CTNS: variants seen among roughly 807,000 people sequenced by gnomAD.
CTNS encodes the protein cystinosin.
A neutral mutation model predicts 43.7 loss-of-function variants in CTNS; 27 were observed. The ratio of observed to expected loss-of-function variants is 0.62; its 90% CI spans 0.46 to 0.85. The LOEUF is 0.85. Ranked by LOEUF, CTNS falls within the 40% of genes least tolerant of loss-of-function variation. CTNS has a pLI of 0.00. For synonymous variants in CTNS, 187 were observed against 190.6 expected, an observed-to-expected ratio of 0.98 and a Z score of 0.16; for missense variants, 457 against 475.4, an observed-to-expected ratio of 0.96 and a Z score of 0.36.
At chr17:3,636,549 T>A (rs938786620), upstream of CTNS, 2 of 295,676 alleles carry the variant, frequency 6.8e-6, no homozygotes, top group Non-Finnish European at 1.3e-5. Flanking sequence ...AGTCTCTGTG[T>A]CCCTGGCAGC....
rs199950876 is a variant in CTNS at position 3,655,385 on chromosome 17, C to T, written c.461+33C>T. ...CCTGGGCCGTATGTGCAGGCTCTCT[C>T]GGGGCCCCTAGGAGCAGGGCGTTCC... On this transcript the variant is annotated intron_variant, in intron 7 of 11. Coordinates refer to ENST00000046640, the MANE Select transcript of CTNS (RefSeq NM_004937.3). The T allele has an allele frequency of 4.5e-4, 718 of 1,612,998 alleles. 2 individuals are homozygous for T. The highest frequency in any genetic ancestry group is 3.5e-3 in the Middle Eastern group (19 of 5,484).
chr17:3,656,104 CTGCCCTG>C, intron 7 of CTNS: 3 of 165,950 alleles, frequency 1.8e-5, no homozygotes, highest in South Asian at 1.4e-4. Context: ...CCCTCACCCC[CTGCCCTG>C]CCCCTCCACC....
At chr17:3,644,164 T>C (rs1296779332) in intron 3 of CTNS, among the ~76,000 whole-genome samples, 1 of 152,254 alleles carries the variant, frequency 6.6e-6, no homozygotes, top group Non-Finnish European at 1.5e-5. Flanking sequence ...ATTTAGCATC[T>C]GGGCTTTGTG....
At chr17:3,659,313 C>A (rs1313226283) in intron 10 of CTNS, among the ~76,000 whole-genome samples, 1 of 152,196 alleles carries the variant, frequency 6.6e-6, no homozygotes, top group Non-Finnish European at 1.5e-5. Flanking sequence ...CAACCAGACC[C>A]AGGAAGCCCC....
At chr17:3,650,987 G>T (rs1238991655) in intron 5 of CTNS, among the ~76,000 whole-genome samples, 2 of 151,994 alleles carry the variant, frequency 1.3e-5, no homozygotes, top group African/African-American at 4.8e-5. Flanking sequence ...ATTTTTAGTA[G>T]AGATGGGGTT....
chr17:3,655,500 C>T (rs1226117189), intron 7 of CTNS, 148 bp downstream of exon 7: 16 of 1,228,092 alleles, frequency 1.3e-5, no homozygotes, highest in South Asian at 4.9e-5. Flanking sequence ...TGCGAAGGCT[C>T]GGAGAGCCTG....
chr17:3,637,935 C>G (rs964579364), intron 2 of CTNS, among the ~76,000 whole-genome samples: 2 of 152,164 alleles, frequency 1.3e-5, no homozygotes, highest in African/African-American at 2.4e-5. Flanking sequence ...TTTGTGTACC[C>G]TCTCCAAAAG....
intron 5 of CTNS, among the ~76,000 whole-genome samples, chr17:3,651,395 T>G (rs2075979904): frequency 6.6e-6 from 1 of 152,052 alleles, no homozygotes; most frequent in South Asian, 2.1e-4. Flanking sequence ...CTGGCCAAAG[T>G]GTCCTCTTTT....
At position 3,637,204 on chromosome 17, in the gene CTNS, C is replaced by T. The variant is rs1433808997; in HGVS notation, c.-132C>T. 6.6e-6 allele frequency: 1 copy of T among 152,208 alleles called. No individual in the cohort carries two copies. The highest frequency in any genetic ancestry group is 1.5e-5 in the Non-Finnish European group (1 of 68,038). 9.4% of individuals were successfully genotyped at this position (152,208 alleles called of 1,614,324 possible). A position where few individuals can be genotyped will look rare whatever the true frequency, so the allele number is the denominator to read the frequency against. On this transcript the variant is annotated 5_prime_UTR_variant, in exon 2 of 12. Transcript: ENST00000046640. Reference sequence around the variant, plus strand: ...CTGAGCAGCACGAGACCCCATCCTCCCCTCCGGGTTTTCACACTGGGCGAA... The same window carrying T: ...CTGAGCAGCACGAGACCCCATCCTCTCCTCCGGGTTTTCACACTGGGCGAA...
intron 3 of CTNS, among the ~76,000 whole-genome samples, chr17:3,642,235 A>G (rs594167): frequency 0.48 from 73,595 of 151,754 alleles, 18,758 homozygotes; most frequent in Non-Finnish European, 0.57. Flanking sequence ...GAGAAAAACA[A>G]AAAATCCAGC....
chr17:3,640,958 G>C (rs1046024025), intron 3 of CTNS, among the ~76,000 whole-genome samples: 33 of 152,264 alleles, frequency 2.2e-4, no homozygotes, highest in Admixed American at 2.2e-3. Flanking sequence ...ACCTCACAGA[G>C]AGAGTCTTGG....
Position 3,659,870 on chromosome 17 carries a change from T to G in CTNS, c.865T>G (p.Phe289Val). Residue 289 changes from phenylalanine to valine, a missense_variant, in exon 11 of 12, where the codon TTT becomes GTT. Coordinates refer to ENST00000046640, the MANE Select transcript of CTNS (RefSeq NM_004937.3). ...CTGTCTGGCCCAGGCCTACATGAAC[T>G]TTTACTACAAAAGCACTGAGGGCTG... ...VKYFPQAYMN[F>V]YYKSTEGWSI... 6.2e-7 allele frequency: 1 copy of G among 1,613,786 alleles called. No homozygotes were observed. Among genetic ancestry groups the G allele is most frequent in the South Asian group, 1.1e-5 (1 of 91,080 alleles).
At position 3,657,996 on chromosome 17, in the gene CTNS, C is replaced by T. The variant is rs943621505; in HGVS notation, c.682-9C>T. ...TGGGTCCACATCTCTGCCCTCCTCT[C>T]GCCCCCAGCGCGGTGGCCAGCGCGT... On this transcript the variant is annotated splice_polypyrimidine_tract_variant and intron_variant, in intron 9 of 11. Coordinates refer to ENST00000046640, the MANE Select transcript of CTNS (RefSeq NM_004937.3). The T allele has an allele frequency of 3.2e-5, 51 of 1,607,130 alleles. No individual in the cohort carries two copies. Among genetic ancestry groups the T allele is most frequent in the African/African-American group, 5.3e-5 (4 of 74,864 alleles).
chr17:3,649,785 T>C (rs1241239054), intron 5 of CTNS, among the ~76,000 whole-genome samples: 1 of 152,186 alleles, frequency 6.6e-6, no homozygotes, highest in African/African-American at 2.4e-5. Flanking sequence ...TTTGAGCCAG[T>C]TGCTATTCAA....
intron 5 of CTNS, among the ~76,000 whole-genome samples, chr17:3,649,582 G>C (rs547061467): frequency 6.6e-6 from 1 of 152,160 alleles, no homozygotes; most frequent in Admixed American, 6.5e-5. Flanking sequence ...CTGATTCAAA[G>C]TCAGCACACT....
At chr17:3,638,275 T>C (rs1364209187) in intron 2 of CTNS, among the ~76,000 whole-genome samples, 2 of 151,562 alleles carry the variant, frequency 1.3e-5, no homozygotes, top group African/African-American at 2.4e-5. Flanking sequence ...TTCACTCTTA[T>C]CACTCAGGCT....
rs113994210 is a variant in CTNS at position 3,659,855 on chromosome 17, C to G, written c.853-3C>G. 1.2e-6 allele frequency: 2 copies of G among 1,611,524 alleles called. No homozygotes were observed. Among genetic ancestry groups the G allele is most frequent in the Non-Finnish European group, 1.7e-6 (2 of 1,177,738 alleles). On this transcript the variant is annotated splice_region_variant and splice_polypyrimidine_tract_variant and intron_variant, in intron 10 of 11. Coordinates refer to ENST00000046640, the MANE Select transcript of CTNS (RefSeq NM_004937.3). ...CGTCTGTCTGTCCGTCTGTCTGGCC[C>G]AGGCCTACATGAACTTTTACTACAA...
chr17:3,659,348 C>A (rs2076231555), intron 10 of CTNS, among the ~76,000 whole-genome samples: 1 of 152,222 alleles, frequency 6.6e-6, no homozygotes, highest in Admixed American at 6.5e-5. Flanking sequence ...GGGGCGTTAA[C>A]CCCGCTCTAC....
chr17:3,647,583 C>G (rs1187634645), intron 4 of CTNS, 61 bp downstream of exon 4: 1 of 1,434,594 alleles, frequency 7.0e-7, no homozygotes, highest in Non-Finnish European at 9.8e-7. Flanking sequence ...TGGGTCAGGG[C>G]TGACCCCTGG....
Sources: gnomAD v4.1 joint callset for allele counts (sites outside exome capture counted in the v4.1 genomes callset) on GRCh38, gnomAD v4.1.1 for gene constraint, MANE v1.5 for transcripts, NCBI Gene and HGNC (gene_info 2026-07-23, HGNC 2026-07-21) for gene names.